The following LRP1B variants were observed in gnomAD, a reference collection of about 807,000 sequenced individuals.
The protein encoded by LRP1B is low-density lipoprotein receptor-related protein 1B.
Under a neutral mutation model 556.6 loss-of-function variants are expected in LRP1B, and 217 were observed. The ratio of observed to expected loss-of-function variants is 0.39; its 90% confidence interval spans 0.35 to 0.44. The LOEUF (loss-of-function observed/expected upper bound fraction) is 0.44. Ranked by LOEUF, LRP1B falls within the 20% of genes least tolerant of loss-of-function variation. LRP1B has a pLI of 1.00. For missense variants in LRP1B, 5,053 were observed against 5,620.8 expected (o/e 0.90, Z 3.23); for synonymous variants, 2,047 against 1,865.8 (o/e 1.10, Z -2.50).
At chr2:140,309,459 T>C (rs1684202434) in intron 83 of LRP1B, among the ~76,000 whole-genome samples, 1 of 151,846 alleles carries the variant, frequency 6.6e-6, no homozygotes. Context: ...AGCCGTAAGA[T>C]TGAATAGTCT....
intron 2 of LRP1B, among the ~76,000 whole-genome samples, chr2:141,792,408 C>T (rs1274054692): frequency 6.6e-6 from 1 of 151,864 alleles, no homozygotes; most frequent in Non-Finnish European, 1.5e-5. Flanking sequence ...CAGAAAGGAA[C>T]CTCTTGTGGA....
At chr2:140,828,470 G>T (rs934643031) in intron 31 of LRP1B, among the ~76,000 whole-genome samples, 1 of 148,702 alleles carries the variant, frequency 6.7e-6, no homozygotes, top group African/African-American at 2.5e-5. Flanking sequence ...TTAGCCGGGC[G>T]TGGTAGCGGG....
chr2:141,620,277 T>C (rs994010484), intron 2 of LRP1B, among the ~76,000 whole-genome samples: 3 of 152,216 alleles, frequency 2.0e-5, no homozygotes, highest in African/African-American at 7.2e-5. Flanking sequence ...ACTTTGTATA[T>C]TCATAAAAGG....
chr2:141,470,608 G>A (rs1682425178), intron 3 of LRP1B, among the ~76,000 whole-genome samples: 1 of 152,122 alleles, frequency 6.6e-6, no homozygotes, highest in Non-Finnish European at 1.5e-5. Flanking sequence ...AGGTCACAGG[G>A]TTTAACGCTT....
chr2:141,070,681 C>T (rs140935962), intron 7 of LRP1B, among the ~76,000 whole-genome samples: 127,474 of 151,720 alleles, frequency 0.84, 54,006 homozygotes, highest in Non-Finnish European at 0.89. Context: ...ATATCACCAC[C>T]GATCCCACAG....
chr2:141,118,586 A>G (rs947276232), intron 7 of LRP1B, among the ~76,000 whole-genome samples: 3 of 152,118 alleles, frequency 2.0e-5, no homozygotes, highest in African/African-American at 7.2e-5. Context: ...AATAAGTAGT[A>G]CATTTCACTG....
At chr2:141,389,555 T>C (rs960507153) in intron 3 of LRP1B, among the ~76,000 whole-genome samples, 6 of 152,088 alleles carry the variant, frequency 3.9e-5, no homozygotes. Context: ...TAATTTAGCA[T>C]TGGCAATGAA....
intron 7 of LRP1B, among the ~76,000 whole-genome samples, chr2:141,183,555 A>G (rs560159822): frequency 2.0e-5 from 3 of 152,164 alleles, no homozygotes; most frequent in African/African-American, 7.2e-5. Flanking sequence ...GCTCTTGTAC[A>G]GAACAAAGAC....
intron 2 of LRP1B, among the ~76,000 whole-genome samples, chr2:141,738,638 A>G (rs6713253): frequency 0.11 from 16,349 of 152,202 alleles, 1,512 homozygotes; most frequent in African/African-American, 0.25. Flanking sequence ...TTTAAATATC[A>G]GTTTTCATGG....
At chr2:141,814,586 T>C (rs1334997234) in intron 1 of LRP1B, among the ~76,000 whole-genome samples, 1 of 152,190 alleles carries the variant, frequency 6.6e-6, no homozygotes, top group African/African-American at 2.4e-5. Context: ...GAAACTGCAG[T>C]CAAATATTAT....
chr2:140,895,414 G>C (rs1002985363), intron 23 of LRP1B, among the ~76,000 whole-genome samples: 2 of 152,268 alleles, frequency 1.3e-5, no homozygotes, highest in Admixed American at 6.5e-5. Flanking sequence ...GGGGTGGCTC[G>C]TTTACTCAGC....
intron 43 of LRP1B, among the ~76,000 whole-genome samples, chr2:140,595,088 A>ATATATCTATC (rs1491197082): frequency 4.2e-3 from 9 of 2,118 alleles, no homozygotes; most frequent in African/African-American, 0.013. Context: ...TATAAATTGA[A>ATATATCTATC]TATATATATA....
chr2:140,930,999 C>T (rs1450854335), intron 20 of LRP1B, among the ~76,000 whole-genome samples: 1 of 152,010 alleles, frequency 6.6e-6, no homozygotes. Context: ...GTTTAGCCTG[C>T]CCTCAGTTTC....
At chr2:141,122,457 C>A (rs1365222718) in intron 7 of LRP1B, among the ~76,000 whole-genome samples, 1 of 150,562 alleles carries the variant, frequency 6.6e-6, no homozygotes, top group Non-Finnish European at 1.5e-5. Context: ...ACAGACACTT[C>A]TCAAAAGAAG....
At chr2:142,072,699 C>T (rs972782088) in intron 1 of LRP1B, among the ~76,000 whole-genome samples, 8 of 151,968 alleles carry the variant, frequency 5.3e-5, no homozygotes, top group African/African-American at 1.9e-4. Flanking sequence ...AGATTGAACA[C>T]CCCTGACTTA....
rs1683674597 is a variant in LRP1B at position 140,297,960 on chromosome 2, G to A, written c.12815C>T (p.Thr4272Ile). Reference protein sequence around the residue: ...TCVPSVLGRPTCSCALGFTGP... With the variant: ...TCVPSVLGRPICSCALGFTGP... ...AGTGAAACCCAGTGCACAGCTGCAG[G>A]TGGGTCTCCCTATTGGAAACAATAA... The change falls in exon 84 of 91, where the codon ACC (threonine) becomes ATC (isoleucine). Residue 4272 changes from threonine (T) to isoleucine (I), a missense_variant. Thr to Ile is a moderately conservative substitution (Grantham distance 89). This residue lies in a region of LRP1B where 551 missense variants were observed against 592.0 expected (regional missense o/e 0.93). Coordinates refer to ENST00000389484, the MANE Select transcript of LRP1B (RefSeq NM_018557.3). The A allele has an allele frequency of 1.2e-6, 2 of 1,607,464 alleles. No individual in the cohort carries two copies. Among genetic ancestry groups the A allele is most frequent in the Admixed American group, 1.7e-5 (1 of 59,738 alleles).
intron 2 of LRP1B, among the ~76,000 whole-genome samples, chr2:141,563,158 T>C (rs1686221982): frequency 6.6e-6 from 1 of 152,006 alleles, no homozygotes; most frequent in Non-Finnish European, 1.5e-5. Flanking sequence ...AGGATAGGCA[T>C]GGCAGACAGA....
chr2:141,890,136 T>G (rs1273874144), intron 1 of LRP1B, among the ~76,000 whole-genome samples: 1 of 151,856 alleles, frequency 6.6e-6, no homozygotes, highest in Non-Finnish European at 1.5e-5. Flanking sequence ...ATGTTAACTT[T>G]CTTTGAAAAC....
At chr2:140,432,276 C>T (rs552252659) in intron 66 of LRP1B, among the ~76,000 whole-genome samples, 23 of 152,232 alleles carry the variant, frequency 1.5e-4, no homozygotes, top group African/African-American at 4.8e-4. Context: ...TCTTATAAAA[C>T]AGACCCACCT....
Sources: allele counts gnomAD v4.1 joint callset (sites outside exome capture counted in the v4.1 genomes callset), GRCh38; gene constraint gnomAD v4.1.1; regional missense constraint gnomAD v4.1.1; transcripts MANE v1.5; gene names NCBI Gene and HGNC (gene_info 2026-07-23, HGNC 2026-07-21).